NDUFAF6: variants seen among roughly 807,000 people sequenced by gnomAD.
NDUFAF6 encodes the protein NADH dehydrogenase (ubiquinone) complex I, assembly factor 6.
Under a neutral mutation model 40.8 loss-of-function variants are expected in NDUFAF6, and 45 were observed. That is an observed-to-expected ratio of 1.10 (90% confidence interval 0.87 to 1.42). The LOEUF is 1.42. Ranked by LOEUF, NDUFAF6 falls within the 40% of genes most tolerant of loss-of-function variation. NDUFAF6 has a pLI of 0.00. For missense variants in NDUFAF6, 435 were observed against 418.5 expected (o/e 1.04, Z -0.34); for synonymous variants, 185 against 155.9 (o/e 1.19, Z -1.39).
chr8:94,942,270 G>A (rs1821615325), intron 1 of NDUFAF6, among the ~76,000 whole-genome samples: 1 of 151,910 alleles, frequency 6.6e-6, no homozygotes, highest in African/African-American at 2.4e-5. Context: ...TCGATCTCCT[G>A]ACCTCATGAT....
upstream of NDUFAF6, among the ~76,000 whole-genome samples, chr8:95,022,669 G>A (rs1010995866): frequency 2.6e-5 from 4 of 151,388 alleles, no homozygotes; most frequent in African/African-American, 9.7e-5. Flanking sequence ...GAAAGCAAGG[G>A]ATTCTTTTAA....
At chr8:94,981,902 T>G (rs1411272911) in intron 2 of NDUFAF6, among the ~76,000 whole-genome samples, 1 of 142,366 alleles carries the variant, frequency 7.0e-6, no homozygotes, top group African/African-American at 2.6e-5. Flanking sequence ...CACTCCAATC[T>G]AAATGACAGA....
chr8:94,917,782 C>A (rs1189817784), intron 1 of NDUFAF6, among the ~76,000 whole-genome samples: 1 of 152,144 alleles, frequency 6.6e-6, no homozygotes, highest in Non-Finnish European at 1.5e-5. Flanking sequence ...TGAATACATG[C>A]ATTAGTGTTT....
intron 2 of NDUFAF6, among the ~76,000 whole-genome samples, chr8:95,012,331 A>G (rs546506753): frequency 3.9e-5 from 6 of 152,182 alleles, no homozygotes; most frequent in South Asian, 4.2e-4. Flanking sequence ...CATTTAATTT[A>G]CCATTTGTCT....
upstream of NDUFAF6, among the ~76,000 whole-genome samples, chr8:95,022,345 GCC>G (rs1392072538): frequency 1.8e-4 from 27 of 151,386 alleles, no homozygotes; most frequent in Middle Eastern, 6.8e-3. Context: ...AGAAGGACTA[GCC>G]CTACTAGATA....
At chr8:95,074,111 G>A (rs752722127) in intron 9 of NDUFAF6, among the ~76,000 whole-genome samples, 87 of 152,114 alleles carry the variant, frequency 5.7e-4, no homozygotes, top group Non-Finnish European at 1.1e-3. Context: ...GGTTGGCTAT[G>A]ATTTGATCGT....
intron 2 of NDUFAF6, among the ~76,000 whole-genome samples, chr8:95,093,247 T>C (rs1308136249): frequency 6.6e-6 from 1 of 152,216 alleles, no homozygotes; most frequent in Non-Finnish European, 1.5e-5. Flanking sequence ...CTTGGGTTCC[T>C]CATCAGCAAA....
At chr8:95,045,980 C>T (rs780905867) in intron 5 of NDUFAF6, among the ~76,000 whole-genome samples, 41 of 151,986 alleles carry the variant, frequency 2.7e-4, no homozygotes, top group Admixed American at 1.0e-3. Flanking sequence ...CTCTTCCTTT[C>T]GTGTTAATAG....
intron 3 of NDUFAF6, chr8:95,036,290 G>T: frequency 2.3e-6 from 3 of 1,279,854 alleles, no homozygotes; most frequent in Admixed American, 2.4e-5. Context: ...CTGTGTCCCT[G>T]TTGTAATGCA....
intron 2 of NDUFAF6, among the ~76,000 whole-genome samples, chr8:95,086,603 C>CTTTTT (rs140726768): frequency 7.4e-6 from 1 of 136,054 alleles, no homozygotes; most frequent in African/African-American, 2.7e-5. Context: ...CTTTTCTTTT[C>CTTTTT]TTTTTTTTTT....
intron 9 of NDUFAF6, among the ~76,000 whole-genome samples, chr8:95,073,524 T>G (rs1832941720): frequency 6.6e-6 from 1 of 151,894 alleles, no homozygotes; most frequent in Non-Finnish European, 1.5e-5. Context: ...GCCCCGCTGC[T>G]CCTCCTCCCC....
At position 94,997,289 on chromosome 8, in the gene NDUFAF6, GACACACACACACACACAC is replaced by G. The variant is rs57953301; in HGVS notation, c.-84+16354_-84+16371del. On this transcript the variant is annotated intron_variant, in intron 2 of 9. Coordinates refer to the NDUFAF6 transcript ENST00000396111. ...CAGTAGGCACTTAAGCAAGAAGAAA[GACACACACACACACACAC>G]ACACACACACACACACACACACACA... 2.1e-3 allele frequency among the ~76,000 whole-genome samples: 195 copies of G among 94,702 alleles called. 1 individual carries two copies. Among genetic ancestry groups the G allele is most frequent in the African/African-American group, 7.2e-3 (174 of 24,232 alleles). 62.1% of individuals were successfully genotyped at this position (94,702 alleles called of 152,430 possible).
At chr8:94,920,967 CTCT>C (rs1336996226) in intron 1 of NDUFAF6, among the ~76,000 whole-genome samples, 3 of 54,124 alleles carry the variant, frequency 5.5e-5, no homozygotes, top group Non-Finnish European at 1.7e-4. Context: ...TTGCTTAATC[CTCT>C]TCAATAAGGC....
chr8:95,110,638 G>A (rs142842638), intron 4 of NDUFAF6, among the ~76,000 whole-genome samples: 39 of 152,280 alleles, frequency 2.6e-4, no homozygotes, highest in African/African-American at 9.1e-4. Flanking sequence ...GCAAAGCTGG[G>A]ATTTGAATCC....
intron 1 of NDUFAF6, among the ~76,000 whole-genome samples, chr8:94,943,499 T>C (rs1033024745): frequency 6.6e-6 from 1 of 152,088 alleles, no homozygotes; most frequent in African/African-American, 2.4e-5. Flanking sequence ...AAAAAAGTTA[T>C]ATATATGTAT....
chr8:94,909,592 C>T (rs537252102), intron 1 of NDUFAF6, among the ~76,000 whole-genome samples: 1 of 151,714 alleles, frequency 6.6e-6, no homozygotes, highest in Admixed American at 6.6e-5. Context: ...CGCCACTGCA[C>T]TCCAGCCTGG....
chr8:94,924,056 AGTTTT>A lies in NDUFAF6; in HGVS notation c.-935-21411_-935-21407del, dbSNP rs937130427. ...CAAGCAGTTCATAAAGCTCTTCCTC[AGTTTT>A]GTTTTGTTTTGTTTTTTGAGACGTA... On this transcript the variant is annotated intron_variant, in intron 1 of 14. Transcript: ENST00000396113. Among the ~76,000 whole-genome samples, 9 of 150,002 alleles carry A rather than the reference AGTTTT, an allele frequency of 6.0e-5. No homozygotes were observed. The East Asian group carries it at 9.9e-4, about 17-fold the overall frequency.
chr8:94,950,566 A>G (rs1822506477), intron 2 of NDUFAF6, among the ~76,000 whole-genome samples: 1 of 152,234 alleles, frequency 6.6e-6, no homozygotes, highest in Non-Finnish European at 1.5e-5. Flanking sequence ...ATTGCAGTGC[A>G]GGGAGTTGTC....
exon 5 of NDUFAF6, chr8:95,115,593 C>G (rs1035360773): frequency 6.6e-6 from 1 of 151,792 alleles, no homozygotes; most frequent in Non-Finnish European, 1.5e-5. Flanking sequence ...CTTGCACATA[C>G]TCAGAGGAAC....
Sources: allele counts gnomAD v4.1 joint callset (sites outside exome capture counted in the v4.1 genomes callset), GRCh38; gene constraint gnomAD v4.1.1; transcripts MANE v1.5; gene names NCBI Gene and HGNC (gene_info 2026-07-23, HGNC 2026-07-21).